Variants in CSN1S1 observed in about 807,000 individuals in gnomAD.
The protein encoded by CSN1S1 is alpha-S1-casein.
In CSN1S1, 63 loss-of-function variants were observed where a neutral mutation model predicts 49.1. The ratio of observed to expected loss-of-function variants is 1.28; its 90% CI spans 1.05 to 1.58. CSN1S1 has a LOEUF of 1.58. CSN1S1 is among the 40% of genes most tolerant of loss of function. The probability of loss-of-function intolerance (pLI) is 0.00; values close to 1 mark genes in which losing one functional copy is unlikely to be tolerated. For synonymous variants in CSN1S1, 78 were observed against 67.1 expected (o/e 1.16, Z -0.79); for missense variants, 260 against 224.7 (o/e 1.16, Z -1.01).
At chr4:69,935,344 G>A (rs1173021553) in intron 4 of CSN1S1, among the ~76,000 whole-genome samples, 3 of 151,030 alleles carry the variant, frequency 2.0e-5, no homozygotes, top group Admixed American at 1.3e-4. Context: ...TTCGAGATGA[G>A]CCTAAGCAAC....
intron 3 of CSN1S1, 88 bp downstream of exon 3, chr4:69,934,332 C>G: frequency 7.7e-7 from 1 of 1,299,900 alleles, no homozygotes; most frequent in South Asian, 1.3e-5. Context: ...ATGAAACAGC[C>G]TGCTTCACTT....
intron 14 of CSN1S1, 94 bp from the exon 15 acceptor site, chr4:69,944,756 A>G (rs760598143): frequency 1.9e-5 from 24 of 1,237,384 alleles, no homozygotes; most frequent in Non-Finnish European, 2.6e-5. Flanking sequence ...GCTAACAGGC[A>G]TCTTGGAAAT....
At chr4:69,937,003 T>A (rs1667833143) in intron 7 of CSN1S1, 118 bp from the exon 8 acceptor site, 3 of 746,272 alleles carry the variant, frequency 4.0e-6, no homozygotes, top group Non-Finnish European at 6.7e-6. Context: ...TTGATTTGGA[T>A]TGTCTACTAG....
rs536984077 is a variant in CSN1S1 at position 69,944,866 on chromosome 4, A to G, written c.419A>G (p.Asn140Ser). The G allele has an allele frequency of 4.0e-5, 64 of 1,612,746 alleles. 1 individual carries two copies. In the East Asian group the frequency reaches 9.8e-4, roughly 25 times the overall value. The change falls in exon 15 of 16, where the codon AAC (asparagine) becomes AGC (serine). Residue 140 changes from asparagine to serine, a missense_variant. By Grantham distance (46) the Asn-to-Ser change is conservative. Transcript: ENST00000246891. Reference sequence around the variant, plus strand: ...TCCCTCTAGCCTTTCCAGCAGCTCAACCAACTTGCTGCCTACCCCTATGCT... The same window carrying G: ...TCCCTCTAGCCTTTCCAGCAGCTCAGCCAACTTGCTGCCTACCCCTATGCT... The part of the protein sequence containing the change: ...SHVQVPFQQL[N>S]QLAAYPYAVW...
chr4:69,931,719 T>C (rs1722613290), intron 1 of CSN1S1, among the ~76,000 whole-genome samples: 2 of 151,890 alleles, frequency 1.3e-5, no homozygotes, highest in South Asian at 4.1e-4. Flanking sequence ...TGAAGCAATA[T>C]ATATAAATGT....
intron 3 of CSN1S1, 83 bp downstream of exon 3, chr4:69,934,327 A>G (rs1386656602): frequency 1.5e-6 from 2 of 1,319,598 alleles, no homozygotes; most frequent in Non-Finnish European, 2.2e-6. Flanking sequence ...TCTCTATGAA[A>G]CAGCCTGCTT....
chr4:69,942,903 G>C (rs919636279), intron 14 of CSN1S1, among the ~76,000 whole-genome samples: 1 of 150,604 alleles, frequency 6.6e-6, no homozygotes, highest in Non-Finnish European at 1.5e-5. Context: ...TTAATTCAGT[G>C]TCTCTTGTCC....
intron 10 of CSN1S1, among the ~76,000 whole-genome samples, chr4:69,939,792 A>T (rs540846754): frequency 4.6e-5 from 7 of 151,680 alleles, no homozygotes; most frequent in African/African-American, 1.7e-4. Flanking sequence ...CTTCACATCC[A>T]CCCCCAGCAT....
intron 13 of CSN1S1, 99 bp downstream of exon 13, chr4:69,942,162 G>A: frequency 1.3e-6 from 1 of 745,014 alleles, no homozygotes; most frequent in Admixed American, 3.1e-5. Context: ...TATTCTGAGA[G>A]AGTGTTCTAC....
intron 11 of CSN1S1, 77 bp downstream of exon 11, chr4:69,940,121 A>G: frequency 2.1e-6 from 1 of 474,896 alleles, no homozygotes; most frequent in Non-Finnish European, 3.6e-6. Context: ...TCACACACAC[A>G]CACACACACA....
At chr4:69,940,110 T>G in intron 11 of CSN1S1, 66 bp downstream of exon 11, 1 of 408,384 alleles carries the variant, frequency 2.4e-6, no homozygotes, top group East Asian at 4.2e-5. Flanking sequence ...TGCACTTACT[T>G]TCACACACAC....
chr4:69,938,281 C>G (rs1049204728), intron 9 of CSN1S1, among the ~76,000 whole-genome samples: 1 of 151,668 alleles, frequency 6.6e-6, no homozygotes, highest in Non-Finnish European at 1.5e-5. Context: ...AGTGAGCATA[C>G]TACCCAACAG....
At chr4:69,936,094 G>T in intron 5 of CSN1S1, 145 bp downstream of exon 5, 1 of 676,238 alleles carries the variant, frequency 1.5e-6, no homozygotes, top group Non-Finnish European at 2.6e-6. Flanking sequence ...ATTGTTAAAT[G>T]CACATTTACA....
chr4:69,936,744 G>A (rs1033664360), intron 7 of CSN1S1, 137 bp downstream of exon 7: 8 of 714,356 alleles, frequency 1.1e-5, no homozygotes, highest in Admixed American at 3.2e-5. Context: ...CATTTGTAGT[G>A]ACTAATGGAG....
intron 8 of CSN1S1, 145 bp downstream of exon 8, chr4:69,937,289 G>C (rs546034111): frequency 2.8e-5 from 17 of 605,822 alleles, no homozygotes; most frequent in Non-Finnish European, 4.2e-5. Flanking sequence ...ATCATACATT[G>C]GCCAGAATAA....
chr4:69,944,469 G>A (rs541157064), intron 14 of CSN1S1, among the ~76,000 whole-genome samples: 46 of 152,008 alleles, frequency 3.0e-4, no homozygotes, highest in African/African-American at 1.0e-3. Flanking sequence ...TGGCTTTAAG[G>A]AAAATTATAT....
chr4:69,936,482 A>T lies in CSN1S1; in HGVS notation c.153+3A>T, dbSNP rs752606369. ...AATACATGAATGGTATGAACAGGGT[A>T]AGAAACATCAATGAAATTTAAATTA... On this transcript the variant is annotated splice_donor_region_variant and intron_variant, in intron 6 of 15. Transcript: ENST00000246891. 1 of 1,576,740 alleles carries T rather than the reference A, an allele frequency of 6.3e-7. No individual in the cohort carries two copies. The highest frequency in any genetic ancestry group is 1.7e-5 in the Admixed American group (1 of 59,308).
intron 5 of CSN1S1, 105 bp from the exon 6 acceptor site, chr4:69,936,351 T>C: frequency 1.1e-6 from 1 of 900,806 alleles, no homozygotes; most frequent in Admixed American, 2.7e-5. Context: ...TGGATTTATT[T>C]TTAAATTTGT....
chr4:69,939,104 T>C (rs752618121), intron 9 of CSN1S1, 72 bp from the exon 10 acceptor site: 84 of 1,094,088 alleles, frequency 7.7e-5, no homozygotes, highest in Non-Finnish European at 1.1e-4. Flanking sequence ...TTCACCATGA[T>C]GACATGGAAC....
Sources: gnomAD v4.1 joint callset for allele counts (sites outside exome capture counted in the v4.1 genomes callset) on GRCh38, gnomAD v4.1.1 for gene constraint, MANE v1.5 for transcripts, NCBI Gene and HGNC (gene_info 2026-07-23, HGNC 2026-07-21) for gene names.